OPCML: variants seen among roughly 807,000 people sequenced by gnomAD.
OPCML encodes the protein opioid binding protein/cell adhesion molecule like.
Under a neutral mutation model 37.8 loss-of-function variants are expected in OPCML, and 13 were observed. The observed-to-expected ratio is 0.34, with a 90% CI of 0.22 to 0.55. OPCML has a LOEUF of 0.55. Among genes scored for constraint, OPCML ranks in the 20% least tolerant of loss-of-function variants. The pLI is 0.91. For synonymous variants in OPCML, 176 were observed against 168.8 expected (o/e 1.04, Z -0.33); for missense variants, 341 against 435.6 (o/e 0.78, Z 1.93).
intron 4 of OPCML, among the ~76,000 whole-genome samples, chr11:132,471,921 C>T (rs1474484959): frequency 2.6e-5 from 4 of 152,168 alleles, no homozygotes; most frequent in Admixed American, 1.3e-4. Context: ...TTTGCCTTCA[C>T]TTTCCCTCAC....
Position 133,205,201 on chromosome 11 carries a change from T to TA in OPCML, c.62-262192dup, listed in dbSNP as rs1412028324. On this transcript the variant is annotated intron_variant, in intron 1 of 7. Coordinates refer to ENST00000524381, the MANE Select transcript of OPCML (RefSeq NM_001012393.5). This position sits in a 1 kb window ranked among gnomAD's most constrained non-coding sequence, Gnocchi z 4.8. Reference sequence around the variant, plus strand: ...TTATGGCAACCTAATGAAGCTTTGATAAAAAACCCAAAAGGCAGGGTTTGA... The same window carrying TA: ...TTATGGCAACCTAATGAAGCTTTGATAAAAAAACCCAAAAGGCAGGGTTTGA... Among the ~76,000 whole-genome samples the TA allele has an allele frequency of 1.3e-5, 2 of 151,936 alleles. No homozygotes were observed. Among genetic ancestry groups the TA allele is most frequent in the African/African-American group, 4.8e-5 (2 of 41,350 alleles).
intron 2 of OPCML, among the ~76,000 whole-genome samples, chr11:132,784,613 ATG>A (rs897881543): frequency 3.3e-5 from 5 of 152,060 alleles, no homozygotes; most frequent in African/African-American, 1.2e-4. Flanking sequence ...TTATGTTGAA[ATG>A]TGACCTCCAA....
intron 1 of OPCML, among the ~76,000 whole-genome samples, chr11:133,227,851 G>C (rs1240749377): frequency 1.3e-5 from 2 of 152,130 alleles, no homozygotes; most frequent in Admixed American, 6.5e-5. Context: ...CGACTTAATC[G>C]CTAAGATGCC....
chr11:133,496,411 G>C (rs1016783258), intron 1 of OPCML, among the ~76,000 whole-genome samples: 4 of 152,102 alleles, frequency 2.6e-5, no homozygotes, highest in African/African-American at 7.2e-5. Flanking sequence ...ATGAATTTTA[G>C]AATTGTTTTC....
intron 1 of OPCML, among the ~76,000 whole-genome samples, chr11:133,143,763 C>A (rs549545508): frequency 6.6e-6 from 1 of 152,320 alleles, no homozygotes; most frequent in East Asian, 1.9e-4. Flanking sequence ...GAAGCCAGGA[C>A]TGCTGAGAAA....
chr11:132,828,197 A>G (rs928631366), intron 2 of OPCML, among the ~76,000 whole-genome samples: 2 of 152,198 alleles, frequency 1.3e-5, no homozygotes, highest in Non-Finnish European at 2.9e-5. Flanking sequence ...GAAAAGGCAC[A>G]ATTATAGAGA....
rs189109587 is a variant in OPCML, at chr11:132,457,909, G to A, written c.506-20550C>T. Reference sequence around the variant, plus strand: ...GGCACAGGTCTATGCATGGGTCCACGCTAGTGAAAAGGACAGGCAAAGTGT... The same window carrying A: ...GGCACAGGTCTATGCATGGGTCCACACTAGTGAAAAGGACAGGCAAAGTGT... On this transcript the variant is annotated intron_variant, in intron 4 of 7. Transcript: ENST00000524381. Among the ~76,000 whole-genome samples the A allele has an allele frequency of 3.3e-3, 505 of 152,304 alleles. 2 individuals carry two copies. Among genetic ancestry groups the A allele is most frequent in the African/African-American group, 0.011 (466 of 41,566 alleles).
At chr11:132,707,816 G>T (rs1448802778) in intron 2 of OPCML, among the ~76,000 whole-genome samples, 1 of 152,072 alleles carries the variant, frequency 6.6e-6, no homozygotes, top group Non-Finnish European at 1.5e-5. Flanking sequence ...CTCTTTAAGA[G>T]TAATATCAAT....
intron 2 of OPCML, among the ~76,000 whole-genome samples, chr11:132,899,365 A>G (rs1943967031): frequency 6.6e-6 from 1 of 151,840 alleles, no homozygotes; most frequent in South Asian, 2.1e-4. Context: ...TCCCTTTATT[A>G]TGTATAATAA....
At chr11:133,196,063 C>G (rs890298994) in intron 1 of OPCML, among the ~76,000 whole-genome samples, 2 of 152,134 alleles carry the variant, frequency 1.3e-5, no homozygotes, top group Non-Finnish European at 2.9e-5. Context: ...AAAATATTCA[C>G]GAGCTGCTGA....
At chr11:133,175,498 A>AG (rs397711286) in intron 1 of OPCML, among the ~76,000 whole-genome samples, 2 of 151,630 alleles carry the variant, frequency 1.3e-5, no homozygotes, top group African/African-American at 2.4e-5. Context: ...AAAAAAAAAA[A>AG]CAGAACTAGG....
rs761026333 is a variant in OPCML, at chr11:133,068,831, A to C, written c.62-125821T>G. ...CATTTTTTCCATACTAGTGTCAGAC[A>C]AAATGGTTAAGGGTCAAGGTGCCCT... On this transcript the variant is annotated intron_variant, in intron 1 of 7. Transcript: ENST00000524381. Among the ~76,000 whole-genome samples the C allele has an allele frequency of 7.9e-5, 12 of 152,342 alleles. No homozygotes were observed. The South Asian group carries it at 8.3e-4, about 11-fold the overall frequency.
chr11:132,822,322 A>G (rs1234462797), intron 2 of OPCML, among the ~76,000 whole-genome samples: 2 of 151,956 alleles, frequency 1.3e-5, no homozygotes, highest in African/African-American at 4.8e-5. Context: ...CCACAAAAAG[A>G]AGTGGTTCCA....
chr11:133,356,800 A>G (rs1041466225), intron 1 of OPCML, among the ~76,000 whole-genome samples: 1 of 152,212 alleles, frequency 6.6e-6, no homozygotes, highest in Non-Finnish European at 1.5e-5. Flanking sequence ...GGAACCTCAG[A>G]GTCTCATCCA....
chr11:133,030,476 T>C (rs1947646055), intron 1 of OPCML, among the ~76,000 whole-genome samples: 1 of 152,190 alleles, frequency 6.6e-6, no homozygotes, highest in Non-Finnish European at 1.5e-5. Context: ...AGCCTTGTTT[T>C]CCTAATCTGT....
Position 133,162,395 on chromosome 11 carries a change from A to T in OPCML, c.62-219385T>A, listed in dbSNP as rs1409660001. Among the ~76,000 whole-genome samples, 3 of 152,294 alleles carry T rather than the reference A, an allele frequency of 2.0e-5. No individual in the cohort carries two copies. The East Asian group carries it at 5.8e-4, about 29-fold the overall frequency. On this transcript the variant is annotated intron_variant, in intron 1 of 7. Coordinates refer to ENST00000524381, the MANE Select transcript of OPCML (RefSeq NM_001012393.5). ...GTGCGGTTTCATTAACATGAAGATA[A>T]AATGGAACGTGGCTGAGTTACAGCA...
At chr11:132,510,749 C>A (rs2096267148) in intron 4 of OPCML, among the ~76,000 whole-genome samples, 1 of 152,114 alleles carries the variant, frequency 6.6e-6, no homozygotes, top group Admixed American at 6.6e-5. Context: ...GTTCCTATGT[C>A]TTTATCAGCA....
At chr11:132,652,158 A>G (rs1941458474) in intron 3 of OPCML, among the ~76,000 whole-genome samples, 1 of 152,152 alleles carries the variant, frequency 6.6e-6, no homozygotes, top group African/African-American at 2.4e-5. Context: ...TAAAGTGGTA[A>G]CATTTAAAAT....
chr11:133,007,136 G>A (rs1387729904), intron 1 of OPCML: 1 of 985,294 alleles, frequency 1.0e-6, no homozygotes, highest in African/African-American at 1.7e-5. Context: ...AAACTTATCA[G>A]GCAGCCTTAC....
Sources: allele counts gnomAD v4.1 joint callset (sites outside exome capture counted in the v4.1 genomes callset), GRCh38; gene constraint gnomAD v4.1.1; non-coding constraint Gnocchi (gnomAD v3.1); transcripts MANE v1.5; gene names NCBI Gene and HGNC (gene_info 2026-07-23, HGNC 2026-07-21).